CFH: variants seen among roughly 807,000 people sequenced by gnomAD.
CFH encodes the protein H factor 1 (complement).
CFH carries 53 observed loss-of-function variants against 147.3 expected under a neutral mutation model. That is an observed-to-expected ratio of 0.36 (90% CI 0.29 to 0.45). The LOEUF (loss-of-function observed/expected upper bound fraction) is 0.45, where lower values mean the gene tolerates loss of function less well. Among genes scored for constraint, CFH ranks in the 20% least tolerant of loss-of-function variants. CFH has a pLI of 1.00. For synonymous variants in CFH, 536 were observed against 489.4 expected, an observed-to-expected ratio of 1.10 and a Z score of -1.26; for missense variants, 1,380 against 1,498.0, an observed-to-expected ratio of 0.92 and a Z score of 1.30.
chr1:196,668,797 A>G (rs1174769040), intron 1 of CFH, among the ~76,000 whole-genome samples: 3 of 152,122 alleles, frequency 2.0e-5, no homozygotes, highest in African/African-American at 7.2e-5. Flanking sequence ...TTTATGAACT[A>G]CCCAGTCTCA....
chr1:196,677,767 G>C, intron 5 of CFH, 100 bp downstream of exon 5: 1 of 1,147,378 alleles, frequency 8.7e-7, no homozygotes, highest in Non-Finnish European at 1.3e-6. Context: ...ATTAACAATA[G>C]CTAATGTTTA....
At chr1:196,723,344 G>C (rs754734825) in intron 11 of CFH, among the ~76,000 whole-genome samples, 1 of 152,100 alleles carries the variant, frequency 6.6e-6, no homozygotes, top group African/African-American at 2.4e-5. Context: ...GAGTACCTTG[G>C]TTAGAGATAA....
chr1:196,694,407 A>G (rs1293886165), intron 9 of CFH, among the ~76,000 whole-genome samples: 1 of 152,114 alleles, frequency 6.6e-6, no homozygotes, highest in Admixed American at 6.5e-5. Flanking sequence ...TCTATCATTG[A>G]TGGGCATTTG....
chr1:196,680,988 T>C (rs2149082848), intron 6 of CFH, among the ~76,000 whole-genome samples: 1 of 151,990 alleles, frequency 6.6e-6, no homozygotes, highest in African/African-American at 2.4e-5. Flanking sequence ...AGATCCATGT[T>C]TGGCTAATGG....
chr1:196,694,183 G>A (rs1668167629), intron 9 of CFH, among the ~76,000 whole-genome samples: 2 of 151,960 alleles, frequency 1.3e-5, no homozygotes, highest in South Asian at 4.2e-4. Context: ...AAGCCCCGGT[G>A]TGTGATGTTC....
intron 15 of CFH, 80 bp downstream of exon 15, chr1:196,728,602 T>G: frequency 7.3e-7 from 1 of 1,370,434 alleles, no homozygotes; most frequent in South Asian, 1.2e-5. Context: ...TTTTAAAAAC[T>G]TTAGCTATTT....
intron 1 of CFH, among the ~76,000 whole-genome samples, chr1:196,664,632 C>A (rs964467742): frequency 6.6e-6 from 1 of 152,088 alleles, no homozygotes; most frequent in African/African-American, 2.4e-5. Flanking sequence ...TGGCCCCTGA[C>A]CTAATGTATC....
Position 196,656,168 on chromosome 1 carries a change from G to A in CFH, c.58+3993G>A, listed in dbSNP as rs1666679231. 2.6e-5 allele frequency among the ~76,000 whole-genome samples: 4 copies of A among 152,064 alleles called. No individual in the cohort carries two copies. In the South Asian group the frequency reaches 8.3e-4, roughly 32 times the overall value. On this transcript the variant is annotated intron_variant, in intron 1 of 21. Coordinates refer to ENST00000367429, the MANE Select transcript of CFH (RefSeq NM_000186.4). ...AAAATACAAAAATTAGCCAGGCGTG[G>A]TGGCGCGTGCCTGTAATCTCAGCTA...
At chr1:196,722,402 G>A (rs891642604) in intron 11 of CFH, among the ~76,000 whole-genome samples, 25 of 152,068 alleles carry the variant, frequency 1.6e-4, no homozygotes, top group Admixed American at 7.9e-4. Flanking sequence ...TAAGAACCCT[G>A]AAAATAGGAC....
In CFH at chr1:196,737,511, A is replaced by G; in HGVS notation, c.2633A>G (p.His878Arg). 6.2e-7 allele frequency: 1 copy of G among 1,613,310 alleles called. No homozygotes were observed. The highest frequency in any genetic ancestry group is 8.5e-7 in the Non-Finnish European group (1 of 1,179,494). ...TGTTCACAACCACCTCAGATAGAAC[A>G]CGGAACCATTAATTCATCCAGGTCT... is the stretch of plus-strand genomic sequence containing the variant. ...IPCSQPPQIE[H>R]GTINSSRSSQ... The change falls in exon 17 of 22, where the codon CAC becomes CGC. Residue 878 changes from histidine to arginine, a missense_variant. Physicochemically the swap from His to Arg is conservative, Grantham distance 29. Around this residue, in one of 4 missense-constraint regions of CFH, gnomAD observed 830 missense variants for 821.4 expected, o/e 1.01. Coordinates refer to ENST00000367429, the MANE Select transcript of CFH (RefSeq NM_000186.4).
chr1:196,681,808 T>A (rs1456927918), intron 6 of CFH, among the ~76,000 whole-genome samples: 1 of 151,852 alleles, frequency 6.6e-6, no homozygotes, highest in Non-Finnish European at 1.5e-5. Flanking sequence ...AATAAAAGAA[T>A]TCCACTCTTT....
chr1:196,715,434 T>C (rs1668845671), intron 10 of CFH, among the ~76,000 whole-genome samples, 159 bp from the exon 11 acceptor site: 2 of 152,136 alleles, frequency 1.3e-5, no homozygotes, highest in Admixed American at 6.6e-5. Context: ...TGACAACTAT[T>C]TTACGACAAC....
intron 5 of CFH, chr1:196,677,945 G>A (rs938336204): frequency 4.9e-6 from 2 of 405,078 alleles, no homozygotes; most frequent in Non-Finnish European, 9.3e-6. Context: ...ATGGCATAAA[G>A]AGTCAAGTTA....
chr1:196,690,763 C>A (rs1022356339), intron 9 of CFH, among the ~76,000 whole-genome samples: 37 of 152,142 alleles, frequency 2.4e-4, no homozygotes, highest in Admixed American at 2.2e-3. Context: ...ACATAGGGCC[C>A]AAAGATTGGT....
chr1:196,698,308 A>G (rs1404835549), intron 9 of CFH, among the ~76,000 whole-genome samples: 1 of 152,174 alleles, frequency 6.6e-6, no homozygotes, highest in Non-Finnish European at 1.5e-5. Context: ...AGAAAAGATT[A>G]ACAAAGTACA....
At chr1:196,652,398 T>A (rs1666531094) in intron 1 of CFH, among the ~76,000 whole-genome samples, 1 of 151,890 alleles carries the variant, frequency 6.6e-6, no homozygotes, top group African/African-American at 2.4e-5. Flanking sequence ...TAAAATAGAA[T>A]AAAATGTTTT....
rs754205169 is a variant in CFH, at chr1:196,679,706, T to C, written c.703T>C (p.Tyr235His). ...IIYKENERFQ[Y>H]KCNMGYEYSE... ...TTATAAGGAGAATGAACGATTTCAATATAAATGTAACATGGGTTATGAATA... is the reference window on the plus strand; with the variant it reads ...TTATAAGGAGAATGAACGATTTCAACATAAATGTAACATGGGTTATGAATA... Residue 235 changes from tyrosine to histidine, a missense_variant, in exon 6 of 22, where the codon TAT becomes CAT. By Grantham distance (83) the Tyr-to-His change is moderately conservative. Coordinates refer to ENST00000367429, the MANE Select transcript of CFH (RefSeq NM_000186.4). The C allele has an allele frequency of 1.2e-6, 2 of 1,611,044 alleles. No individual in the cohort carries two copies. The highest frequency in any genetic ancestry group is 1.7e-6 in the Non-Finnish European group (2 of 1,177,902).
chr1:196,745,231 G>C (rs1397583682), intron 20 of CFH, among the ~76,000 whole-genome samples: 2 of 151,860 alleles, frequency 1.3e-5, no homozygotes, highest in African/African-American at 4.8e-5. Context: ...AAGTTTTCAG[G>C]CATCATTTTA....
chr1:196,679,402 A>G (rs959991065), intron 5 of CFH: 1 of 402,582 alleles, frequency 2.5e-6, no homozygotes, highest in Non-Finnish European at 4.6e-6. Context: ...CAAGAAGGCT[A>G]ATTTATCCTG....
Sources: gnomAD v4.1 joint callset for allele counts (sites outside exome capture counted in the v4.1 genomes callset) on GRCh38, gnomAD v4.1.1 for gene constraint, gnomAD v4.1.1 regional missense constraint, MANE v1.5 for transcripts, NCBI Gene and HGNC (gene_info 2026-07-23, HGNC 2026-07-21) for gene names.